The following DNM3 variants were observed in gnomAD, a reference collection of about 807,000 sequenced individuals.
The protein encoded by DNM3 is dynamin 3.
A neutral mutation model predicts 101.6 loss-of-function variants in DNM3; 47 were observed. The observed-to-expected ratio is 0.46, with a 90% confidence interval of 0.37 to 0.59. DNM3 has a LOEUF of 0.59. Among genes scored for constraint, DNM3 ranks in the 20% least tolerant of loss-of-function variants. The pLI is 0.00. For missense variants in DNM3, 849 were observed against 1,085.7 expected (o/e 0.78, Z 3.06); for synonymous variants, 385 against 387.9 (o/e 0.99, Z 0.09).
At chr1:172,180,702 T>C (rs2059313511) in intron 14 of DNM3, among the ~76,000 whole-genome samples, 2 of 152,226 alleles carry the variant, frequency 1.3e-5, no homozygotes, top group African/African-American at 2.4e-5. Flanking sequence ...ATAGCTGTTT[T>C]GTGTTTCTGT....
intron 15 of DNM3, among the ~76,000 whole-genome samples, chr1:172,265,507 T>C (rs1241954969): frequency 6.6e-6 from 1 of 152,168 alleles, no homozygotes; most frequent in African/African-American, 2.4e-5. Flanking sequence ...ATCATAGATA[T>C]CTGGGGAGAC....
intron 14 of DNM3, chr1:172,133,229 A>G: frequency 8.9e-7 from 1 of 1,123,260 alleles, no homozygotes; most frequent in East Asian, 5.2e-5. Flanking sequence ...TGCTCTCTGT[A>G]GGGAAGGAAG....
chr1:172,044,539 A>G, intron 9 of DNM3, 87 bp downstream of exon 9: 1 of 1,114,136 alleles, frequency 9.0e-7, no homozygotes, highest in South Asian at 1.5e-5. Context: ...TCGTCTTTTC[A>G]TCATTGAATA....
chr1:172,022,781 T>C lies in DNM3; in HGVS notation c.590-9621T>C, dbSNP rs569758640. 1.2e-4 allele frequency among the ~76,000 whole-genome samples: 18 copies of C among 152,200 alleles called. No homozygotes were observed. In the East Asian group the frequency reaches 2.9e-3, roughly 24 times the overall value. ...TTTTCTTAGTTTTAGATACTCTCTT[T>C]TGACTTCTCACTGTAGAGAAGGAGG... On this transcript the variant is annotated intron_variant, in intron 4 of 20. Transcript: ENST00000627582.
intron 13 of DNM3, among the ~76,000 whole-genome samples, chr1:172,096,382 T>C (rs2054245466): frequency 6.6e-6 from 1 of 152,180 alleles, no homozygotes; most frequent in African/African-American, 2.4e-5. Context: ...GAGACAAGAC[T>C]GGAAAAAGGA....
rs538806550 is a variant in DNM3, at chr1:172,336,838, A to C, written c.1893+13498A>C. On this transcript the variant is annotated intron_variant, in intron 17 of 20. Transcript: ENST00000627582. The stretch of plus-strand genomic sequence containing the variant: ...GAGCTCAAATCCCAGCTCTGCTGCT[A>C]ACTAGTTGGGTGACTTTGTGCAAGT... 1.1e-3 allele frequency among the ~76,000 whole-genome samples: 169 copies of C among 152,250 alleles called. 3 individuals carry two copies. Among genetic ancestry groups the C allele is most frequent in the African/African-American group, 3.8e-3 (160 of 41,568 alleles).
intron 14 of DNM3, among the ~76,000 whole-genome samples, chr1:172,215,627 T>TA (rs560990417): frequency 1.3e-5 from 2 of 151,896 alleles, no homozygotes; most frequent in Admixed American, 6.6e-5. Context: ...AATTGGAAGA[T>TA]AAAAAAATGA....
chr1:172,067,655 C>T (rs1003408785), intron 10 of DNM3, among the ~76,000 whole-genome samples: 1 of 152,098 alleles, frequency 6.6e-6, no homozygotes, highest in African/African-American at 2.4e-5. Context: ...GATTAGGGCT[C>T]CTTAAACATT....
At chr1:172,008,956 A>G (rs1454753717) in intron 4 of DNM3, among the ~76,000 whole-genome samples, 1 of 137,804 alleles carries the variant, frequency 7.3e-6, no homozygotes, top group Non-Finnish European at 1.5e-5. Flanking sequence ...TATTATATTA[A>G]TATATTTATA....
chr1:172,323,695 G>A lies in DNM3; in HGVS notation c.1893+355G>A, dbSNP rs184046879. Reference sequence around the variant, plus strand: ...CAATAGGATGGAATTCAGTGCAGCTGAAGTTTTTGACTAAAAATCAAACCT... The same window carrying A: ...CAATAGGATGGAATTCAGTGCAGCTAAAGTTTTTGACTAAAAATCAAACCT... On this transcript the variant is annotated intron_variant, in intron 17 of 20. Coordinates refer to ENST00000627582, the MANE Select transcript of DNM3 (RefSeq NM_015569.5). 3.5e-3 allele frequency among the ~76,000 whole-genome samples: 537 copies of A among 152,334 alleles called. 8 individuals are homozygous for A. Among genetic ancestry groups the A allele is most frequent in the African/African-American group, 0.012 (503 of 41,572 alleles).
At chr1:172,384,206 C>T (rs1396105864) in intron 18 of DNM3, among the ~76,000 whole-genome samples, 1 of 152,132 alleles carries the variant, frequency 6.6e-6, no homozygotes, top group Non-Finnish European at 1.5e-5. Flanking sequence ...AGAAGAGTAT[C>T]TCTAAAATTT....
At chr1:172,184,210 A>T (rs553562999) in intron 14 of DNM3, among the ~76,000 whole-genome samples, 1 of 152,280 alleles carries the variant, frequency 6.6e-6, no homozygotes, top group South Asian at 2.1e-4. Flanking sequence ...ACAATCCCAG[A>T]CACACTGATG....
rs183691149 is a variant in DNM3 at position 171,858,428 on chromosome 1, T to C, written c.161+16611T>C. ...CCCTCTTCAGCTGCTGACTTAGCTT[T>C]CCTACCCGATAACCATCACACAACT... On this transcript the variant is annotated intron_variant, in intron 1 of 20. Transcript: ENST00000627582. Among the ~76,000 whole-genome samples the C allele has an allele frequency of 1.5e-3, 230 of 152,178 alleles. 3 individuals carry two copies. The highest frequency in any genetic ancestry group is 0.013 in the Admixed American group (203 of 15,266).
rs1350184812 is a variant in DNM3, at chr1:172,387,323, C to T, written c.2249C>T (p.Pro750Leu). ...STATVSTPAP[P>L]PVDDSWIQHS... ...GCCACCGTGTCCACTCCGGCACCCC[C>T]TCCAGTGGATGACTCCTGGATACAG... Residue 750 changes from proline (P) to leucine (L), a missense_variant, in exon 19 of 21, where the codon CCT becomes CTT. Pro to Leu is a moderately conservative substitution (Grantham distance 98). Transcript: ENST00000627582. The T allele has an allele frequency of 1.2e-6, 2 of 1,613,818 alleles. No individual in the cohort carries two copies. The highest frequency in any genetic ancestry group is 1.7e-6 in the Non-Finnish European group (2 of 1,179,824).
chr1:172,345,676 A>G (rs1310709932), intron 17 of DNM3, among the ~76,000 whole-genome samples: 1 of 152,146 alleles, frequency 6.6e-6, no homozygotes, highest in Non-Finnish European at 1.5e-5. Flanking sequence ...CATTATATAG[A>G]CATTTAGTTA....
intron 4 of DNM3, among the ~76,000 whole-genome samples, chr1:172,027,633 G>A (rs1485851160): frequency 2.0e-5 from 3 of 148,042 alleles, no homozygotes; most frequent in African/African-American, 7.7e-5. Context: ...GAGAGAAATT[G>A]GATACAGAGT....
chr1:172,064,206 A>T (rs1028312152), intron 10 of DNM3, among the ~76,000 whole-genome samples: 3 of 152,218 alleles, frequency 2.0e-5, no homozygotes, highest in African/African-American at 7.2e-5. Flanking sequence ...CATTAGAGGA[A>T]TAAAGGCCTA....
chr1:171,861,072 A>G (rs2034128720), intron 1 of DNM3, among the ~76,000 whole-genome samples: 1 of 152,196 alleles, frequency 6.6e-6, no homozygotes, highest in African/African-American at 2.4e-5. Context: ...ACCAAAAACT[A>G]TACAACATCA....
chr1:172,327,201 T>C (rs2065971658), intron 17 of DNM3, among the ~76,000 whole-genome samples: 1 of 152,182 alleles, frequency 6.6e-6, no homozygotes, highest in South Asian at 2.1e-4. Context: ...CTTTGTCTAG[T>C]GATTTCCTAA....
Sources: allele counts gnomAD v4.1 joint callset (sites outside exome capture counted in the v4.1 genomes callset), GRCh38; gene constraint gnomAD v4.1.1; transcripts MANE v1.5; gene names NCBI Gene and HGNC (gene_info 2026-07-23, HGNC 2026-07-21).